The following TTLL5 variants were observed in gnomAD, a reference collection of about 807,000 sequenced individuals.
The protein encoded by TTLL5 is tubulin tyrosine ligase like 5, also known as tubulin polyglutamylase TTLL5.
In TTLL5, 132 loss-of-function variants were observed where a neutral mutation model predicts 168.4. That is an observed-to-expected ratio of 0.78 (90% confidence interval 0.68 to 0.91). TTLL5 has a LOEUF of 0.91. TTLL5 is among the 40% of genes least tolerant of loss of function. The pLI, the probability that TTLL5 is intolerant of heterozygous loss-of-function variation, is 0.00. For missense variants in TTLL5, 1,545 were observed against 1,581.5 expected, an observed-to-expected ratio of 0.98 and a Z score of 0.39; for synonymous variants, 546 against 558.6, an observed-to-expected ratio of 0.98 and a Z score of 0.32.
intron 28 of TTLL5, among the ~76,000 whole-genome samples, chr14:75,841,915 T>C (rs1039906334): frequency 2.0e-5 from 3 of 152,220 alleles, no homozygotes; most frequent in African/African-American, 7.2e-5. Context: ...TATCCTAATA[T>C]GTCTCCATGT....
At chr14:75,867,737 G>A (rs1339239601) in intron 29 of TTLL5, among the ~76,000 whole-genome samples, 1 of 149,194 alleles carries the variant, frequency 6.7e-6, no homozygotes, top group Admixed American at 6.7e-5. Flanking sequence ...TGCAGCCTGA[G>A]TGACAGATTG....
At chr14:75,904,926 A>G (rs1477235945) in intron 31 of TTLL5, among the ~76,000 whole-genome samples, 1 of 152,228 alleles carries the variant, frequency 6.6e-6, no homozygotes, top group Non-Finnish European at 1.5e-5. Context: ...CAGCATTAGT[A>G]ACTAAATCTG....
At chr14:75,766,489 A>G in intron 20 of TTLL5, 121 bp downstream of exon 20, 1 of 981,974 alleles carries the variant, frequency 1.0e-6, no homozygotes, top group Non-Finnish European at 1.5e-6. Flanking sequence ...AGTCCTATGA[A>G]ATAATGACTG....
chr14:75,779,731 T>G, intron 24 of TTLL5, 29 bp downstream of exon 24: 1 of 1,578,776 alleles, frequency 6.3e-7, no homozygotes, highest in South Asian at 1.2e-5. Context: ...GAACGAAAAA[T>G]AAGAAGAACA....
At chr14:75,739,094 C>T (rs567090436) in intron 15 of TTLL5, among the ~76,000 whole-genome samples, 1 of 152,262 alleles carries the variant, frequency 6.6e-6, no homozygotes, top group African/African-American at 2.4e-5. Flanking sequence ...AGGCATGAGC[C>T]ACCATGCCCG....
In TTLL5 at chr14:75,928,366, T is replaced by TATATATATATATATATATATATATATA. The variant is rs1202108865; in HGVS notation, c.3824-26056_3824-26055insATATATATATATATATATATATATAAT. ...ACATATATATATATATATATATATA[T>TATATATATATATATATATATATATATA]ATCACTGTATTTCTGCTTTACTCTA... On this transcript the variant is annotated intron_variant, in intron 31 of 31. Coordinates refer to ENST00000298832, the MANE Select transcript of TTLL5 (RefSeq NM_015072.5). Among the ~76,000 whole-genome samples the TATATATATATATATATATATATATATA allele has an allele frequency of 3.9e-4, 55 of 142,336 alleles. 2 individuals carry two copies. The highest frequency in any genetic ancestry group is 1.4e-3 in the African/African-American group (52 of 37,962). 93.4% of individuals were successfully genotyped at this position (142,336 alleles called of 152,430 possible).
intron 31 of TTLL5, among the ~76,000 whole-genome samples, chr14:75,907,937 A>G (rs768409092): frequency 5.3e-5 from 8 of 152,250 alleles, no homozygotes; most frequent in Non-Finnish European, 8.8e-5. Flanking sequence ...ATCTGCTTCT[A>G]GGACTGTGAT....
rs980166851 is a variant in TTLL5, at chr14:75,713,837, T to G, written c.741-4024T>G. Among the ~76,000 whole-genome samples the G allele has an allele frequency of 5.9e-5, 9 of 152,316 alleles. No individual in the cohort carries two copies. In the East Asian group the frequency reaches 1.5e-3, roughly 26 times the overall value. On this transcript the variant is annotated intron_variant, in intron 9 of 31. Coordinates refer to ENST00000298832, the MANE Select transcript of TTLL5 (RefSeq NM_015072.5). ...GTGAAACAAAGCACTTTTTTACACT[T>G]TTAATTTTGAAACCGTTTTGAACTT...
chr14:75,786,490 T>C (rs1391142580), intron 26 of TTLL5, among the ~76,000 whole-genome samples: 5 of 152,334 alleles, frequency 3.3e-5, no homozygotes, highest in African/African-American at 7.2e-5. Context: ...TTGTAATTGG[T>C]TTTTAGCTTA....
chr14:75,738,523 A>G (rs1889048743), intron 15 of TTLL5, among the ~76,000 whole-genome samples: 1 of 152,208 alleles, frequency 6.6e-6, no homozygotes, highest in Non-Finnish European at 1.5e-5. Context: ...TCTAATATTT[A>G]GTAACTGATT....
intron 5 of TTLL5, among the ~76,000 whole-genome samples, chr14:75,685,737 T>G (rs1884994764): frequency 6.6e-6 from 1 of 152,198 alleles, no homozygotes; most frequent in African/African-American, 2.4e-5. Flanking sequence ...TTTGAGCACT[T>G]TCCTAGTTAC....
intron 12 of TTLL5, among the ~76,000 whole-genome samples, chr14:75,727,397 A>G (rs2140221837): frequency 6.6e-6 from 1 of 152,354 alleles, no homozygotes; most frequent in East Asian, 1.9e-4. Flanking sequence ...GTATAACAAC[A>G]TAGATAAATC....
At chr14:75,944,777 A>G (rs1185546694) in intron 31 of TTLL5, among the ~76,000 whole-genome samples, 1 of 152,212 alleles carries the variant, frequency 6.6e-6, no homozygotes, top group Non-Finnish European at 1.5e-5. Flanking sequence ...CTCCTTATAG[A>G]TAGGAAAAAC....
chr14:75,892,471 T>C (rs573457357), intron 30 of TTLL5, among the ~76,000 whole-genome samples: 1 of 152,322 alleles, frequency 6.6e-6, no homozygotes, highest in South Asian at 2.1e-4. Flanking sequence ...TTGAAAATAA[T>C]TGATTTTCAA....
intron 4 of TTLL5, among the ~76,000 whole-genome samples, chr14:75,682,035 C>G (rs930540884): frequency 6.6e-6 from 1 of 151,468 alleles, no homozygotes; most frequent in African/African-American, 2.4e-5. Context: ...ACTAAAAATA[C>G]AAAAATTGGC....
At chr14:75,708,686 T>G (rs1157724856) in intron 9 of TTLL5, among the ~76,000 whole-genome samples, 1 of 152,194 alleles carries the variant, frequency 6.6e-6, no homozygotes, top group African/African-American at 2.4e-5. Flanking sequence ...CAAGTTGTTA[T>G]ATTTTGAAGT....
intron 21 of TTLL5, among the ~76,000 whole-genome samples, chr14:75,774,371 C>CT (rs1473530800): frequency 6.6e-6 from 1 of 152,190 alleles, no homozygotes; most frequent in Non-Finnish European, 1.5e-5. Context: ...ACCCCCAACT[C>CT]TAAAAGCTCC....
chr14:75,724,155 GTTCCTGTCC>G (rs1278832110), intron 12 of TTLL5, among the ~76,000 whole-genome samples: 1 of 152,006 alleles, frequency 6.6e-6, no homozygotes, highest in East Asian at 1.9e-4. Context: ...TTTGGTGGTT[GTTCCTGTCC>G]TTCCATCTTA....
intron 26 of TTLL5, among the ~76,000 whole-genome samples, chr14:75,791,105 C>CAAAAAAAAAAA (rs372035829): frequency 0.016 from 1,272 of 77,168 alleles, 167 homozygotes; most frequent in African/African-American, 0.079. Context: ...GACTCTGTCT[C>CAAAAAAAAAAA]AAAAAAAAAA....
Sources: gnomAD v4.1 joint callset for allele counts (sites outside exome capture counted in the v4.1 genomes callset) on GRCh38, gnomAD v4.1.1 for gene constraint, MANE v1.5 for transcripts, NCBI Gene and HGNC (gene_info 2026-07-23, HGNC 2026-07-21) for gene names.